THADA: variants seen among roughly 807,000 people sequenced by gnomAD.
The protein encoded by THADA is tRNA (32-2'-O)-methyltransferase regulator THADA.
Under a neutral mutation model 219.8 loss-of-function variants are expected in THADA, and 213 were observed. The ratio of observed to expected loss-of-function variants is 0.97; its 90% CI spans 0.87 to 1.09. THADA has a LOEUF of 1.09. Ranked by LOEUF, THADA falls within the 50% of genes least tolerant of loss-of-function variation. The pLI is 0.00. For synonymous variants in THADA, 1,018 were observed against 828.9 expected (o/e 1.23, Z -3.92); for missense variants, 2,956 against 2,311.3 (o/e 1.28, Z -5.72).
At chr2:43,565,954 G>A (rs533548496) in intron 15 of THADA, 31 of 153,106 alleles carry the variant, frequency 2.0e-4, no homozygotes, top group East Asian at 7.6e-4. Context: ...CAGGTGTAGC[G>A]GCATGCGCCT....
chr2:43,334,998 G>T (rs1234548824), intron 30 of THADA, among the ~76,000 whole-genome samples: 1 of 152,116 alleles, frequency 6.6e-6, no homozygotes, highest in Non-Finnish European at 1.5e-5. Flanking sequence ...AAGCCCTTGA[G>T]AATGAGGCAA....
intron 24 of THADA, among the ~76,000 whole-genome samples, chr2:43,504,942 A>T (rs1689474373): frequency 6.6e-6 from 1 of 152,214 alleles, no homozygotes; most frequent in Non-Finnish European, 1.5e-5. Flanking sequence ...GAGGAAGTCC[A>T]GACTATAACG....
In THADA at chr2:43,549,230, T is replaced by C. The variant is rs1286101983; in HGVS notation, c.3086A>G (p.Asp1029Gly). ...GTTACCTTTGATTTCTGTAGAAGTA[T>C]CAATATTCACCACACTAGCATTCAA... ...KDLNASVVNIDTSTEIKGKEV... is the reference protein window; with the variant it reads ...KDLNASVVNIGTSTEIKGKEV... Residue 1029 changes from aspartate to glycine, a missense_variant, in exon 20 of 38, where the codon GAT (aspartate) becomes GGT (glycine). Physicochemically the swap from Asp to Gly is moderately conservative, Grantham distance 94 (BLOSUM62 -1). Transcript: ENST00000405975. 6 of 1,579,618 alleles carry C rather than the reference T, an allele frequency of 3.8e-6. No individual in the cohort carries two copies. Among genetic ancestry groups the C allele is most frequent in the Non-Finnish European group, 5.2e-6 (6 of 1,163,376 alleles).
At chr2:43,491,041 CCCCTAGATTTCTGTGTGA>C (rs1687570177) in intron 25 of THADA, among the ~76,000 whole-genome samples, 1 of 152,090 alleles carries the variant, frequency 6.6e-6, no homozygotes, top group Non-Finnish European at 1.5e-5. Context: ...AGAAGAGTGT[CCCCTAGATTTCTGTGTGA>C]CAGTATGAAT....
At chr2:43,460,060 T>C (rs1054647466) in intron 26 of THADA, among the ~76,000 whole-genome samples, 6 of 151,816 alleles carry the variant, frequency 4.0e-5, no homozygotes, top group African/African-American at 7.3e-5. Context: ...ATCTAGAAGG[T>C]TGATACTGGA....
intron 30 of THADA, among the ~76,000 whole-genome samples, chr2:43,325,760 T>A (rs1409005934): frequency 2.0e-5 from 3 of 152,220 alleles, no homozygotes; most frequent in Non-Finnish European, 2.9e-5. Flanking sequence ...TTGTTATGTA[T>A]CAGCTTTCCA....
At chr2:43,367,682 T>C (rs1434047935) in intron 29 of THADA, among the ~76,000 whole-genome samples, 1 of 152,198 alleles carries the variant, frequency 6.6e-6, no homozygotes, top group Non-Finnish European at 1.5e-5. Context: ...AAAGGAACAA[T>C]TATTGAGTGA....
intron 22 of THADA, among the ~76,000 whole-genome samples, chr2:43,509,758 A>G (rs1398231338): frequency 1.3e-5 from 2 of 152,226 alleles, no homozygotes; most frequent in Non-Finnish European, 2.9e-5. Flanking sequence ...AAATATATAA[A>G]TAAGACTACT....
intron 33 of THADA, 94 bp from the exon 34 acceptor site, chr2:43,291,862 G>A: frequency 8.9e-7 from 1 of 1,123,968 alleles, no homozygotes; most frequent in East Asian, 2.7e-5. Flanking sequence ...TCCATGCAGA[G>A]GTGAATACTG....
intron 22 of THADA, among the ~76,000 whole-genome samples, chr2:43,513,560 G>A (rs1690774290): frequency 6.6e-6 from 1 of 152,102 alleles, no homozygotes; most frequent in Non-Finnish European, 1.5e-5. Flanking sequence ...GGGCACAGGG[G>A]GCCTCTGAAT....
chr2:43,465,816 G>C (rs1386365024), intron 26 of THADA, among the ~76,000 whole-genome samples: 1 of 151,978 alleles, frequency 6.6e-6, no homozygotes, highest in Non-Finnish European at 1.5e-5. Context: ...TGTCATTTTG[G>C]ATCTGCCATT....
intron 36 of THADA, among the ~76,000 whole-genome samples, chr2:43,274,745 A>G (rs1029700770): frequency 1.3e-5 from 2 of 152,134 alleles, no homozygotes; most frequent in African/African-American, 4.8e-5. Flanking sequence ...GAGAGGGACC[A>G]GAACTACTTG....
At chr2:43,297,775 G>GA in intron 31 of THADA, among the ~76,000 whole-genome samples, 1 of 127,198 alleles carries the variant, frequency 7.9e-6, no homozygotes, top group Non-Finnish European at 1.7e-5. Flanking sequence ...AGGGAGGTGG[G>GA]GGGGTCGGCC....
At chr2:43,374,712 T>C (rs555907703) in intron 29 of THADA, among the ~76,000 whole-genome samples, 11 of 152,248 alleles carry the variant, frequency 7.2e-5, no homozygotes, top group Admixed American at 6.5e-4. Context: ...CATAATTAAA[T>C]ATGTTATATA....
chr2:43,585,579 G>A (rs1319604117), intron 7 of THADA, among the ~76,000 whole-genome samples: 1 of 150,644 alleles, frequency 6.6e-6, no homozygotes, highest in African/African-American at 2.4e-5. Context: ...TAGATAGATA[G>A]AAAGAAATAC....
intron 7 of THADA, among the ~76,000 whole-genome samples, chr2:43,585,891 T>C (rs1048215213): frequency 1.3e-5 from 2 of 151,972 alleles, no homozygotes; most frequent in South Asian, 2.1e-4. Context: ...TTTAATAAAG[T>C]TCAAATATAA....
intron 29 of THADA, among the ~76,000 whole-genome samples, chr2:43,346,371 T>C (rs1261026138): frequency 6.6e-6 from 1 of 152,128 alleles, no homozygotes; most frequent in African/African-American, 2.4e-5. Flanking sequence ...GCCAGGCCCT[T>C]TGAAACTAAG....
At chr2:43,399,634 C>T (rs1300009317) in intron 28 of THADA, among the ~76,000 whole-genome samples, 1 of 152,100 alleles carries the variant, frequency 6.6e-6, no homozygotes, top group African/African-American at 2.4e-5. Context: ...CACATAGTTT[C>T]AGGATGGAGA....
intron 30 of THADA, 143 bp from the exon 31 acceptor site, chr2:43,320,683 T>C: frequency 7.0e-6 from 4 of 570,354 alleles, no homozygotes; most frequent in East Asian, 2.9e-5. Context: ...TGTACAATCA[T>C]TGATGGCAAG....
Sources: gnomAD v4.1 joint callset for allele counts (sites outside exome capture counted in the v4.1 genomes callset) on GRCh38, gnomAD v4.1.1 for gene constraint, MANE v1.5 for transcripts, NCBI Gene and HGNC (gene_info 2026-07-23, HGNC 2026-07-21) for gene names.